HMCN1: variants seen among roughly 807,000 people sequenced by gnomAD.
HMCN1 encodes hemicentin 1.
Under a neutral mutation model 625.9 loss-of-function variants are expected in HMCN1, and 321 were observed. The observed-to-expected ratio is 0.51, with a 90% CI of 0.47 to 0.56. HMCN1 has a LOEUF of 0.56. Among genes scored for constraint, HMCN1 ranks in the 20% least tolerant of loss-of-function variants. HMCN1 has a pLI of 0.00. For synonymous variants in HMCN1, 2,425 were observed against 2,417.6 expected (o/e 1.00, Z -0.09); for missense variants, 6,588 against 6,887.3 (o/e 0.96, Z 1.54).
chr1:186,071,638 G>A (rs955147176), intron 52 of HMCN1, among the ~76,000 whole-genome samples: 5 of 152,140 alleles, frequency 3.3e-5, no homozygotes, highest in Admixed American at 3.3e-4. Flanking sequence ...ATGCAGGAAA[G>A]ATATAGCTTT....
At chr1:185,750,518 GT>G (rs890914735) in intron 1 of HMCN1, among the ~76,000 whole-genome samples, 2 of 152,016 alleles carry the variant, frequency 1.3e-5, no homozygotes, top group African/African-American at 2.4e-5. Flanking sequence ...GCTAAGGATT[GT>G]TTTATCTTTG....
intron 89 of HMCN1, among the ~76,000 whole-genome samples, chr1:186,141,698 C>T (rs537224420): frequency 6.6e-6 from 1 of 152,366 alleles, no homozygotes; most frequent in African/African-American, 2.4e-5. Context: ...GTGTCCTGTA[C>T]TGTTCCTAGC....
At chr1:186,166,766 G>A in intron 99 of HMCN1, 42 bp from the exon 100 acceptor site, 1 of 1,613,946 alleles carries the variant, frequency 6.2e-7, no homozygotes, top group Non-Finnish European at 8.5e-7. Context: ...TGGGCTGGGT[G>A]TTCTTCAGCT....
chr1:186,179,685 C>T (rs74136057), intron 104 of HMCN1, among the ~76,000 whole-genome samples: 13,966 of 151,962 alleles, frequency 0.092, 776 homozygotes, highest in Non-Finnish European at 0.12. Context: ...TTCTGGAAAG[C>T]GTTCTACACT....
intron 1 of HMCN1, among the ~76,000 whole-genome samples, chr1:185,786,802 A>C (rs983582147): frequency 2.6e-5 from 4 of 152,154 alleles, no homozygotes; most frequent in African/African-American, 9.7e-5. Context: ...TGGGCATACT[A>C]GTGGTCTAAT....
chr1:185,906,687 A>G (rs565890617), intron 4 of HMCN1, among the ~76,000 whole-genome samples: 32 of 151,978 alleles, frequency 2.1e-4, no homozygotes, highest in African/African-American at 6.7e-4. Flanking sequence ...CATCTTTATT[A>G]ATGCCATTTC....
intron 24 of HMCN1, among the ~76,000 whole-genome samples, chr1:185,995,524 A>T (rs1652720948): frequency 6.6e-6 from 1 of 152,160 alleles, no homozygotes; most frequent in South Asian, 2.1e-4. Flanking sequence ...TATTTCTTCA[A>T]GCAACAAATA....
intron 52 of HMCN1, among the ~76,000 whole-genome samples, chr1:186,073,616 G>T (rs1171739066): frequency 1.3e-5 from 2 of 152,040 alleles, no homozygotes; most frequent in Non-Finnish European, 2.9e-5. Flanking sequence ...ACCAGTTAGG[G>T]TTTTGCCAGG....
intron 68 of HMCN1, among the ~76,000 whole-genome samples, chr1:186,097,240 C>T (rs373345013): frequency 6.6e-6 from 1 of 152,128 alleles, no homozygotes; most frequent in Non-Finnish European, 1.5e-5. Context: ...TTGCCAACAG[C>T]AAATTGTCTG....
chr1:186,077,479 T>G (rs1658895984), intron 54 of HMCN1, among the ~76,000 whole-genome samples: 1 of 152,046 alleles, frequency 6.6e-6, no homozygotes, highest in Admixed American at 6.6e-5. Context: ...ATTTTAGGGG[T>G]GAAAGGGCAC....
At chr1:185,878,842 G>A (rs917931527) in intron 4 of HMCN1, among the ~76,000 whole-genome samples, 2 of 152,136 alleles carry the variant, frequency 1.3e-5, no homozygotes, top group African/African-American at 4.8e-5. Flanking sequence ...ACTCTGTGCG[G>A]ATGATGTCCA....
intron 54 of HMCN1, 133 bp from the exon 55 acceptor site, chr1:186,077,974 C>G (rs1430813541): frequency 2.9e-6 from 2 of 684,676 alleles, no homozygotes; most frequent in South Asian, 1.7e-5. Context: ...GAGATTAAAA[C>G]TGAACCATTG....
chr1:185,964,445 G>T, intron 13 of HMCN1, among the ~76,000 whole-genome samples: 1 of 152,028 alleles, frequency 6.6e-6, no homozygotes, highest in East Asian at 1.9e-4. Context: ...AATAATCAAT[G>T]GCTAGCAGTC....
At chr1:186,124,600 A>T (rs1661556457) in intron 81 of HMCN1, among the ~76,000 whole-genome samples, 1 of 152,086 alleles carries the variant, frequency 6.6e-6, no homozygotes, top group African/African-American at 2.4e-5. Flanking sequence ...CTATGTTTGT[A>T]TCTATAATTA....
intron 1 of HMCN1, among the ~76,000 whole-genome samples, chr1:185,789,029 T>A (rs142826587): frequency 3.6e-3 from 550 of 152,346 alleles, no homozygotes; most frequent in African/African-American, 0.012. Context: ...TACATTTGTT[T>A]TTATTAAAAT....
chr1:186,055,473 G>C lies in HMCN1; in HGVS notation c.6943G>C (p.Glu2315Gln), dbSNP rs868533752. Residue 2315 changes from glutamate (E) to glutamine (Q), a missense_variant, in exon 45 of 107, where the codon GAG (glutamate) becomes CAG (glutamine). Physicochemically the swap from Glu to Gln is conservative, Grantham distance 29. Transcript: ENST00000271588. Reference protein sequence around the residue: ...TRGKSISLECEVQGIPPPTVT... With the variant: ...TRGKSISLECQVQGIPPPTVT... ...AGGGAAGAGTATCTCCTTGGAGTGT[G>C]AGGTGCAGGGTATTCCACCACCAAC... 1.2e-6 allele frequency: 2 copies of C among 1,612,688 alleles called. No individual in the cohort carries two copies. Among genetic ancestry groups the C allele is most frequent in the Non-Finnish European group, 1.7e-6 (2 of 1,179,226 alleles).
intron 11 of HMCN1, among the ~76,000 whole-genome samples, chr1:185,951,274 A>C (rs1338046713): frequency 6.6e-6 from 1 of 151,302 alleles, no homozygotes; most frequent in Non-Finnish European, 1.5e-5. Flanking sequence ...CAGCCTAATA[A>C]GGGAACTGGG....
chr1:186,018,438 T>C, intron 34 of HMCN1, 86 bp downstream of exon 34: 2 of 1,286,296 alleles, frequency 1.6e-6, no homozygotes, highest in South Asian at 1.2e-5. Flanking sequence ...AGCTCAATAA[T>C]GTGAATAAAT....
intron 89 of HMCN1, 62 bp from the exon 90 acceptor site, chr1:186,144,111 T>G: frequency 6.8e-7 from 1 of 1,463,588 alleles, no homozygotes; most frequent in Non-Finnish European, 9.2e-7. Flanking sequence ...TTTATTTATA[T>G]AATTTTGGTT....
Sources: gnomAD v4.1 joint callset for allele counts (sites outside exome capture counted in the v4.1 genomes callset) on GRCh38, gnomAD v4.1.1 for gene constraint, MANE v1.5 for transcripts, NCBI Gene and HGNC (gene_info 2026-07-23, HGNC 2026-07-21) for gene names.